Variants in VWA8 observed in about 807,000 individuals in gnomAD.
VWA8 encodes von Willebrand factor A domain-containing protein 8.
A neutral mutation model predicts 241.5 loss-of-function variants in VWA8; 221 were observed. That is an observed-to-expected ratio of 0.91 (90% CI 0.82 to 1.02). VWA8 has a LOEUF of 1.02. Among genes scored for constraint, VWA8 ranks in the 50% least tolerant of loss-of-function variants. The pLI is 0.00. For synonymous variants in VWA8, 852 were observed against 827.1 expected (o/e 1.03, Z -0.52); for missense variants, 2,322 against 2,328.7 (o/e 1.00, Z 0.06).
At chr13:41,743,260 CTGAG>C (rs1447929030) in intron 21 of VWA8, among the ~76,000 whole-genome samples, 1 of 152,180 alleles carries the variant, frequency 6.6e-6, no homozygotes, top group Non-Finnish European at 1.5e-5. Flanking sequence ...AGATCAGAGG[CTGAG>C]TTCTTAACCA....
At chr13:41,675,480 C>T (rs2045054506) in intron 35 of VWA8, among the ~76,000 whole-genome samples, 184 bp from the exon 36 acceptor site, 1 of 152,098 alleles carries the variant, frequency 6.6e-6, no homozygotes, top group Admixed American at 6.6e-5. Flanking sequence ...GCATATTGGG[C>T]TGTGATTCTT....
intron 17 of VWA8, among the ~76,000 whole-genome samples, chr13:41,804,746 G>C (rs1306417361): frequency 2.0e-5 from 3 of 152,056 alleles, no homozygotes. Flanking sequence ...GATATAAGCA[G>C]TAACAACAAA....
intron 26 of VWA8, among the ~76,000 whole-genome samples, chr13:41,709,707 G>A (rs2045304085): frequency 6.6e-6 from 1 of 151,700 alleles, no homozygotes; most frequent in Non-Finnish European, 1.5e-5. Context: ...GCAATCCTGA[G>A]TCTTGGTTCC....
chr13:41,719,766 A>G (rs2045371219), intron 25 of VWA8, 24 bp from the exon 26 acceptor site: 1 of 1,594,536 alleles, frequency 6.3e-7, no homozygotes, highest in Admixed American at 1.7e-5. Flanking sequence ...AAATTCCCTT[A>G]TTATGCATGT....
chr13:41,719,276 T>G, intron 26 of VWA8: 1 of 907,928 alleles, frequency 1.1e-6, no homozygotes, highest in Non-Finnish European at 1.4e-6. Context: ...CGTACAATGA[T>G]GTGCACTGGA....
At chr13:41,676,006 T>C (rs1233540038) in intron 35 of VWA8, among the ~76,000 whole-genome samples, 1 of 152,076 alleles carries the variant, frequency 6.6e-6, no homozygotes, top group Non-Finnish European at 1.5e-5. Flanking sequence ...CAATCCTGAA[T>C]GCCATTATTC....
chr13:41,703,458 T>A (rs758264038), intron 26 of VWA8, 47 bp from the exon 27 acceptor site: 6 of 1,560,384 alleles, frequency 3.8e-6, no homozygotes, highest in African/African-American at 1.4e-5. Flanking sequence ...TGTACCCAAG[T>A]CATAGAAAAA....
intron 35 of VWA8, among the ~76,000 whole-genome samples, chr13:41,681,421 A>C (rs1211196681): frequency 6.6e-6 from 1 of 152,184 alleles, no homozygotes; most frequent in Admixed American, 6.5e-5. Context: ...TCTCACAAAC[A>C]TGATGGTGAA....
At chr13:41,955,185 G>T (rs933083075) in intron 1 of VWA8, among the ~76,000 whole-genome samples, 1 of 152,060 alleles carries the variant, frequency 6.6e-6, no homozygotes, top group African/African-American at 2.4e-5. Context: ...TTTAAGTGAG[G>T]TAGTTTACTC....
rs538127714 is a variant in VWA8 at position 41,664,190 on chromosome 13, C to T, written c.4611+6756G>A. On this transcript the variant is annotated intron_variant, in intron 37 of 44. Transcript: ENST00000379310. Reference sequence around the variant, plus strand: ...TTAGTCTACTTGATTAATAGCTTGGCTGGATATAAATTCTAGCCGGAAATC... The same window carrying T: ...TTAGTCTACTTGATTAATAGCTTGGTTGGATATAAATTCTAGCCGGAAATC... Among the ~76,000 whole-genome samples, 6 of 152,096 alleles carry T rather than the reference C, an allele frequency of 3.9e-5. No individual in the cohort carries two copies. In the South Asian group the frequency reaches 1.2e-3, roughly 32 times the overall value.
intron 9 of VWA8, among the ~76,000 whole-genome samples, chr13:41,879,834 T>C (rs1380165908): frequency 6.6e-6 from 1 of 152,158 alleles, no homozygotes; most frequent in Non-Finnish European, 1.5e-5. Flanking sequence ...CGTTGTCAAA[T>C]CCTGGCCTCC....
chr13:41,568,191 C>T lies in VWA8; in HGVS notation c.*6G>A, dbSNP rs1394410277. ...CTGGTGTCATCAGGGTGATGAAGGG[C>T]ACTTCTTAGACACTCGACAACATGG... On this transcript the variant is annotated 3_prime_UTR_variant, in exon 45 of 45. Coordinates refer to ENST00000379310, the MANE Select transcript of VWA8 (RefSeq NM_015058.2). 2 of 1,608,498 alleles carry T rather than the reference C, an allele frequency of 1.2e-6. No individual in the cohort carries two copies. Among genetic ancestry groups the T allele is most frequent in the Admixed American group, 1.7e-5 (1 of 59,942 alleles).
At chr13:41,872,874 T>A (rs1017775584) in intron 9 of VWA8, among the ~76,000 whole-genome samples, 13 of 152,146 alleles carry the variant, frequency 8.5e-5, no homozygotes, top group African/African-American at 2.9e-4. Flanking sequence ...GGGGATGGCA[T>A]TGAATCTATA....
rs1305794048 is a variant in VWA8 at position 41,620,095 on chromosome 13, G to A, written c.4612-5011C>T. ...GTAGAATTTGCTGTGAATCCGTCTGGTCCTGGACTTTTTTTGGTTGGTAGG... is the reference window on the plus strand; with the variant it reads ...GTAGAATTTGCTGTGAATCCGTCTGATCCTGGACTTTTTTTGGTTGGTAGG... On this transcript the variant is annotated intron_variant, in intron 37 of 44. Coordinates refer to ENST00000379310, the MANE Select transcript of VWA8 (RefSeq NM_015058.2). 2.0e-5 allele frequency among the ~76,000 whole-genome samples: 3 copies of A among 152,220 alleles called. No homozygotes were observed. In the East Asian group the frequency reaches 5.8e-4, roughly 29 times the overall value.
chr13:41,671,551 C>T (rs976080547), intron 36 of VWA8, among the ~76,000 whole-genome samples: 3 of 151,990 alleles, frequency 2.0e-5, no homozygotes, highest in East Asian at 1.9e-4. Context: ...CGCATCCCCC[C>T]GCCCGCCAAA....
chr13:41,665,675 A>G (rs970769656), intron 37 of VWA8, among the ~76,000 whole-genome samples: 6 of 152,020 alleles, frequency 3.9e-5, no homozygotes, highest in African/African-American at 9.7e-5. Context: ...TGCATTTCAC[A>G]TTCAGGTTTA....
At chr13:41,839,088 G>T (rs931066549) in intron 12 of VWA8, among the ~76,000 whole-genome samples, 1 of 152,028 alleles carries the variant, frequency 6.6e-6, no homozygotes, top group Admixed American at 6.6e-5. Flanking sequence ...TTCCACAATG[G>T]TTGAACTAAT....
At chr13:41,742,873 C>T (rs2045578853) in intron 21 of VWA8, among the ~76,000 whole-genome samples, 1 of 152,174 alleles carries the variant, frequency 6.6e-6, no homozygotes, top group Non-Finnish European at 1.5e-5. Context: ...CTCTTTTGCA[C>T]CCCACTTTAT....
chr13:41,639,834 GTGAGAAAATAA>G (rs1221016883), intron 37 of VWA8, among the ~76,000 whole-genome samples: 1 of 152,230 alleles, frequency 6.6e-6, no homozygotes, highest in Admixed American at 6.5e-5. Context: ...CACTGCCTGG[GTGAGAAAATAA>G]TGAGAAAATA....
Sources: gnomAD v4.1 joint callset for allele counts (sites outside exome capture counted in the v4.1 genomes callset) on GRCh38, gnomAD v4.1.1 for gene constraint, MANE v1.5 for transcripts, NCBI Gene and HGNC (gene_info 2026-07-23, HGNC 2026-07-21) for gene names.